MPDZ: variants seen among roughly 807,000 people sequenced by gnomAD.
The protein encoded by MPDZ is multiple PDZ domain protein.
MPDZ carries 234 observed loss-of-function variants against 239.1 expected under a neutral mutation model. The observed-to-expected ratio is 0.98, with a 90% CI of 0.88 to 1.09. MPDZ has a LOEUF of 1.09. MPDZ is among the 50% of genes least tolerant of loss of function. The probability of loss-of-function intolerance (pLI) is 0.00; values close to 1 mark genes in which losing one functional copy is unlikely to be tolerated. For synonymous variants in MPDZ, 1,048 were observed against 881.3 expected (o/e 1.19, Z -3.35); for missense variants, 3,175 against 2,510.0 (o/e 1.26, Z -5.66).
At chr9:13,127,388 G>A (rs952083216) in intron 32 of MPDZ, among the ~76,000 whole-genome samples, 2 of 152,170 alleles carry the variant, frequency 1.3e-5, no homozygotes, top group Non-Finnish European at 2.9e-5. Context: ...CACCTACTTC[G>A]CTACATTTTC....
intron 24 of MPDZ, among the ~76,000 whole-genome samples, chr9:13,155,964 G>A (rs963137962): frequency 6.6e-6 from 1 of 152,152 alleles, no homozygotes; most frequent in South Asian, 2.1e-4. Flanking sequence ...TCTTAGGATT[G>A]CATGAAGGTT....
At chr9:13,255,302 G>C (rs1969169885) in intron 1 of MPDZ, among the ~76,000 whole-genome samples, 1 of 152,124 alleles carries the variant, frequency 6.6e-6, no homozygotes, top group Admixed American at 6.5e-5. Flanking sequence ...CTGAAGTCTT[G>C]AACCCTCAGT....
In MPDZ at chr9:13,193,224, T is replaced by G; in HGVS notation, c.1746A>C (p.Leu582=). ...TVGHHFIRSV[L]PEGPVGHSGK... ...CGCTGTGTCCAACAGGACCCTCTGGTAGAACAGATCGGATAAAATGATGTC... is the reference window on the plus strand; with the variant it reads ...CGCTGTGTCCAACAGGACCCTCTGGGAGAACAGATCGGATAAAATGATGTC... Residue 582 remains leucine, a synonymous_variant, in exon 14 of 47, where the codon CTA becomes CTC. Coordinates refer to ENST00000319217, the MANE Select transcript of MPDZ (RefSeq NM_001378778.1). The G allele has an allele frequency of 1.2e-6, 2 of 1,611,780 alleles. No individual in the cohort carries two copies. Among genetic ancestry groups the G allele is most frequent in the Non-Finnish European group, 1.7e-6 (2 of 1,178,520 alleles).
chr9:13,110,980 T>C (rs1460057670), intron 43 of MPDZ, among the ~76,000 whole-genome samples: 1 of 152,328 alleles, frequency 6.6e-6, no homozygotes, highest in Middle Eastern at 3.4e-3. Context: ...AAGGAGAAAG[T>C]CACTCTTCCC....
At chr9:13,213,059 A>C (rs1178898556) in intron 10 of MPDZ, among the ~76,000 whole-genome samples, 1 of 152,108 alleles carries the variant, frequency 6.6e-6, no homozygotes, top group African/African-American at 2.4e-5. Context: ...CTTATTTAAT[A>C]ATTTTTATCA....
chr9:13,160,432 G>A (rs1950323658), intron 23 of MPDZ, among the ~76,000 whole-genome samples: 1 of 152,068 alleles, frequency 6.6e-6, no homozygotes, highest in Non-Finnish European at 1.5e-5. Flanking sequence ...TGTGCTTGGA[G>A]GAAGCACAGT....
rs201768471 is a variant in MPDZ at position 13,162,744 on chromosome 9, T to A, written c.3306A>T (p.Gly1102=). Residue 1102 remains glycine, a synonymous_variant, in exon 23 of 47, where the codon GGA becomes GGT. Transcript: ENST00000319217. ...GTGCCATTACTCTTCCAGATTGTTG[T>A]CCCAAGCTTATTTTGAACTCTTCCA... ...EHLEEFKISL[G]QQSGRVMALD... The A allele has an allele frequency of 1.7e-4, 280 of 1,611,770 alleles. 1 individual carries two copies. Among genetic ancestry groups the A allele is most frequent in the Admixed American group, 3.8e-4 (23 of 59,882 alleles).
chr9:13,161,165 G>A lies in MPDZ; in HGVS notation c.3359+1526C>T, dbSNP rs370302621. Among the ~76,000 whole-genome samples the A allele has an allele frequency of 3.3e-5, 5 of 151,806 alleles. No individual in the cohort carries two copies. The East Asian group carries it at 9.8e-4, about 30-fold the overall frequency. ...ACCTTCCCCTTCCCTGACACTTTCT[G>A]TATTCTGTAGTCATCTGTAATGTGC... is the stretch of plus-strand genomic sequence containing the variant. On this transcript the variant is annotated intron_variant, in intron 23 of 46. Transcript: ENST00000319217.
Position 13,217,267 on chromosome 9 carries a change from C to T in MPDZ, c.1114G>A (p.Glu372Lys). The T allele has an allele frequency of 6.3e-7, 1 of 1,599,248 alleles. No homozygotes were observed. The highest frequency in any genetic ancestry group is 8.5e-7 in the Non-Finnish European group (1 of 1,171,712). Reference sequence around the variant, plus strand: ...AGTTCTACATCAAATGTCTCACTTTCTTCACCTTTCTGAGTAGAAGCATCA... The same window carrying T: ...AGTTCTACATCAAATGTCTCACTTTTTTCACCTTTCTGAGTAGAAGCATCA... ...RVDASTQKGEESETFDVELTK... is the reference protein window; with the variant it reads ...RVDASTQKGEKSETFDVELTK... Residue 372 changes from glutamate to lysine, a missense_variant, in exon 9 of 47, where the codon GAA (glutamate) becomes AAA (lysine). Glu to Lys is a moderately conservative substitution (Grantham distance 56, BLOSUM62 1). Transcript: ENST00000319217.
chr9:13,206,218 A>T, intron 10 of MPDZ, 119 bp from the exon 11 acceptor site: 13 of 926,374 alleles, frequency 1.4e-5, no homozygotes, highest in Non-Finnish European at 2.0e-5. Context: ...ATAAGTATTC[A>T]CCTTATCAGG....
intron 35 of MPDZ, among the ~76,000 whole-genome samples, chr9:13,123,994 T>C (rs1022372139): frequency 1.3e-5 from 2 of 152,208 alleles, no homozygotes; most frequent in African/African-American, 4.8e-5. Flanking sequence ...TTTCACACAT[T>C]ATTTTATCAG....
At chr9:13,147,741 T>A in intron 25 of MPDZ, 83 bp from the exon 26 acceptor site, 1 of 944,530 alleles carries the variant, frequency 1.1e-6, no homozygotes, top group East Asian at 2.4e-5. Flanking sequence ...TTAGGGATAC[T>A]TGGTTAGACT....
At chr9:13,117,337 C>T (rs896218704) in intron 39 of MPDZ, among the ~76,000 whole-genome samples, 4 of 152,028 alleles carry the variant, frequency 2.6e-5, no homozygotes, top group African/African-American at 7.3e-5. Flanking sequence ...TGAGACCATC[C>T]TGGGTAACAC....
chr9:13,138,019 T>A lies in MPDZ; in HGVS notation c.4138A>T (p.Ile1380Phe), dbSNP rs1180799439. The part of the protein sequence containing the change: ...RSRMSVFIVG[I>F]DPNGAAGKDG... ...TTTCCTGCAGCTCCATTTGGATCAA[T>A]CCCCACTATGAAGACACTCATCCTG... Residue 1380 changes from isoleucine to phenylalanine, a missense_variant, in exon 29 of 47, where the codon ATT (isoleucine) becomes TTT (phenylalanine). Physicochemically the swap from Ile to Phe is conservative, Grantham distance 21. Transcript: ENST00000319217. 6.2e-7 allele frequency: 1 copy of A among 1,613,738 alleles called. No homozygotes were observed. The highest frequency in any genetic ancestry group is 2.2e-5 in the East Asian group (1 of 44,848).
chr9:13,203,728 CCACACACACACA>C (rs58472339), intron 12 of MPDZ, among the ~76,000 whole-genome samples: 66 of 140,548 alleles, frequency 4.7e-4, no homozygotes, highest in South Asian at 4.2e-3. Context: ...ATGTATCCTG[CCACACACACACA>C]CACACACACA....
At chr9:13,165,553 C>T (rs1481848402) in intron 22 of MPDZ, 2 of 731,148 alleles carry the variant, frequency 2.7e-6, no homozygotes, top group East Asian at 5.6e-5. Flanking sequence ...ACCTCCCTCC[C>T]ATCTACACCT....
chr9:13,238,871 T>C (rs944632495), intron 3 of MPDZ, among the ~76,000 whole-genome samples: 9 of 152,090 alleles, frequency 5.9e-5, no homozygotes, highest in Non-Finnish European at 1.2e-4. Flanking sequence ...TGTGCAAAAA[T>C]ATAAAATAGT....
At chr9:13,143,862 T>A (rs1948081226) in intron 26 of MPDZ, among the ~76,000 whole-genome samples, 1 of 152,128 alleles carries the variant, frequency 6.6e-6, no homozygotes, top group Non-Finnish European at 1.5e-5. Context: ...CAGAGGCACA[T>A]ATATTTTGCC....
intron 24 of MPDZ, among the ~76,000 whole-genome samples, chr9:13,152,606 G>C (rs1446589131): frequency 6.6e-6 from 1 of 151,884 alleles, no homozygotes; most frequent in Non-Finnish European, 1.5e-5. Context: ...AAATTCCCCA[G>C]TCTCGGGGTA....
Sources: allele counts gnomAD v4.1 joint callset (sites outside exome capture counted in the v4.1 genomes callset), GRCh38; gene constraint gnomAD v4.1.1; transcripts MANE v1.5; gene names NCBI Gene and HGNC (gene_info 2026-07-23, HGNC 2026-07-21).